Variants in TLE4 observed in about 807,000 individuals in gnomAD.
TLE4 encodes the protein TLE family member 4, transcriptional corepressor.
TLE4 carries 8 observed loss-of-function variants against 92.8 expected under a neutral mutation model. The observed-to-expected ratio is 0.09, with a 90% CI of 0.05 to 0.16. The LOEUF is 0.16. Among genes scored for constraint, TLE4 ranks in the 10% least tolerant of loss-of-function variants. The pLI, the probability that TLE4 is intolerant of heterozygous loss-of-function variation, is 1.00. For synonymous variants in TLE4, 371 were observed against 374.1 expected, an observed-to-expected ratio of 0.99 and a Z score of 0.10; for missense variants, 675 against 997.6, an observed-to-expected ratio of 0.68 and a Z score of 4.36.
chr9:79,575,205 AACAAAACCTTGTTTGTTTTGTC>A (rs2037355005), intron 3 of TLE4, among the ~76,000 whole-genome samples: 1 of 152,220 alleles, frequency 6.6e-6, no homozygotes, highest in African/African-American at 2.4e-5. Context: ...AAAAAATAAA[AACAAAACCTTGTTTGTTTTGTC>A]ACAAGCAAAA....
chr9:79,573,933 A>C (rs1221211332), intron 2 of TLE4, 147 bp downstream of exon 2: 4 of 449,330 alleles, frequency 8.9e-6, no homozygotes, highest in African/African-American at 6.1e-5. Context: ...AGGGCAAATC[A>C]AGGCCTCCTT....
At chr9:79,641,753 A>G (rs1333108074) in intron 6 of TLE4, among the ~76,000 whole-genome samples, 5 of 152,126 alleles carry the variant, frequency 3.3e-5, no homozygotes, top group Non-Finnish European at 4.4e-5. Flanking sequence ...AAAGGGTCCT[A>G]ATTGGGCAGC....
chr9:79,662,774 C>T (rs1247215292), intron 8 of TLE4, among the ~76,000 whole-genome samples: 2 of 152,152 alleles, frequency 1.3e-5, no homozygotes, highest in African/African-American at 4.8e-5. Flanking sequence ...GGCTGGTTGT[C>T]GCATAAAGGA....
At chr9:79,631,664 T>TGTGTGTGTGTG (rs1323328890) in intron 6 of TLE4, among the ~76,000 whole-genome samples, 1 of 43,858 alleles carries the variant, frequency 2.3e-5, no homozygotes, top group South Asian at 1.2e-3. Context: ...GTGTGTGTGT[T>TGTGTGTGTGTG]TTCTACATTG....
At chr9:79,592,216 C>CTTCTTCCTCT (rs1564203884) in intron 4 of TLE4, among the ~76,000 whole-genome samples, 1 of 98,288 alleles carries the variant, frequency 1.0e-5, no homozygotes, top group Non-Finnish European at 2.1e-5. Flanking sequence ...CTTCTTCTTC[C>CTTCTTCCTCT]TCTTCTTCTT....
intron 6 of TLE4, among the ~76,000 whole-genome samples, chr9:79,630,049 T>C (rs1008990058): frequency 6.6e-6 from 1 of 152,166 alleles, no homozygotes; most frequent in Non-Finnish European, 1.5e-5. Flanking sequence ...ATGACAGTTT[T>C]CCTTTGAGAG....
intron 6 of TLE4, among the ~76,000 whole-genome samples, chr9:79,647,925 T>C (rs1274502830): frequency 6.6e-6 from 1 of 151,454 alleles, no homozygotes; most frequent in Non-Finnish European, 1.5e-5. Context: ...GGCAGGAGTT[T>C]AGCTTGGAAG....
intron 8 of TLE4, among the ~76,000 whole-genome samples, chr9:79,692,076 C>G (rs764847890): frequency 2.4e-4 from 36 of 152,060 alleles, no homozygotes; most frequent in Non-Finnish European, 5.0e-4. Context: ...CTGCATGCCC[C>G]CCTCCCCCAT....
At chr9:79,709,108 C>T (rs1295600962) in intron 13 of TLE4, among the ~76,000 whole-genome samples, 3 of 152,162 alleles carry the variant, frequency 2.0e-5, no homozygotes, top group African/African-American at 7.2e-5. Context: ...GCTAGGATTA[C>T]AAGCATGAGT....
intron 8 of TLE4, among the ~76,000 whole-genome samples, chr9:79,678,626 T>TA (rs1554768446): frequency 1.6e-4 from 24 of 151,802 alleles, no homozygotes; most frequent in East Asian, 9.7e-4. Context: ...TTCTTTTTTT[T>TA]TTATTATTAT....
At chr9:79,578,925 G>T (rs1158458094) in intron 4 of TLE4, among the ~76,000 whole-genome samples, 1 of 141,786 alleles carries the variant, frequency 7.1e-6, no homozygotes, top group African/African-American at 2.7e-5. Context: ...AGGATTGATA[G>T]AGCTAAGCAG....
intron 4 of TLE4, among the ~76,000 whole-genome samples, chr9:79,580,693 C>T (rs1341331795): frequency 6.7e-6 from 1 of 148,500 alleles, no homozygotes; most frequent in East Asian, 2.0e-4. Flanking sequence ...ACAAATGTGT[C>T]TGTTATATTC....
At chr9:79,653,060 G>C in intron 7 of TLE4, 4 of 483,094 alleles carry the variant, frequency 8.3e-6, no homozygotes, top group South Asian at 7.3e-5. Flanking sequence ...TGTTCCCCAG[G>C]TCTAAATCAG....
At chr9:79,578,074 C>G (rs2038474103) in intron 4 of TLE4, among the ~76,000 whole-genome samples, 1 of 152,114 alleles carries the variant, frequency 6.6e-6, no homozygotes, top group Non-Finnish European at 1.5e-5. Context: ...AAACCACCTA[C>G]TTATTATATT....
intron 13 of TLE4, 149 bp downstream of exon 13, chr9:79,708,935 G>C (rs1203860221): frequency 2.1e-6 from 2 of 943,832 alleles, no homozygotes; most frequent in Non-Finnish European, 1.5e-6. Flanking sequence ...GGGCTTAAGC[G>C]ATCCTCCCAC....
intron 6 of TLE4, among the ~76,000 whole-genome samples, chr9:79,628,453 T>G (rs1271803604): frequency 1.3e-5 from 2 of 152,176 alleles, no homozygotes; most frequent in African/African-American, 4.8e-5. Context: ...ATTGCTTCAA[T>G]TATTCCTCTG....
At chr9:79,686,962 T>A (rs2065992505) in intron 8 of TLE4, among the ~76,000 whole-genome samples, 1 of 152,204 alleles carries the variant, frequency 6.6e-6, no homozygotes, top group Non-Finnish European at 1.5e-5. Context: ...TGTTAAAAGC[T>A]TTTAAAATTT....
chr9:79,573,815 C>G (rs1403514390), intron 2 of TLE4, 29 bp downstream of exon 2: 4 of 1,497,246 alleles, frequency 2.7e-6, no homozygotes, highest in Non-Finnish European at 2.7e-6. Context: ...GCTGATCCTT[C>G]TGTTTGCTTA....
chr9:79,649,797 G>A (rs775429080), intron 6 of TLE4: 38 of 1,362,340 alleles, frequency 2.8e-5, no homozygotes, highest in South Asian at 5.8e-5. Context: ...ACGATGAGTC[G>A]GTGCTTATTT....
Sources: gnomAD v4.1 joint callset for allele counts (sites outside exome capture counted in the v4.1 genomes callset) on GRCh38, gnomAD v4.1.1 for gene constraint, MANE v1.5 for transcripts, NCBI Gene and HGNC (gene_info 2026-07-23, HGNC 2026-07-21) for gene names.